The following MPHOSPH10 variants were observed in gnomAD, a reference collection of about 807,000 sequenced individuals.
MPHOSPH10 encodes the protein U3 small nucleolar ribonucleoprotein MPP10.
In MPHOSPH10, 33 loss-of-function variants were observed where a neutral mutation model predicts 77.3. That is an observed-to-expected ratio of 0.43 (90% CI 0.32 to 0.57). MPHOSPH10 has a LOEUF of 0.57. Among genes scored for constraint, MPHOSPH10 ranks in the 20% least tolerant of loss-of-function variants. MPHOSPH10 has a pLI of 0.07. For missense variants in MPHOSPH10, 708 were observed against 780.1 expected (o/e 0.91, Z 1.10); for synonymous variants, 245 against 268.0 (o/e 0.91, Z 0.84).
chr2:71,131,685 T>G (rs1673383445), intron 1 of MPHOSPH10, among the ~76,000 whole-genome samples: 1 of 152,134 alleles, frequency 6.6e-6, no homozygotes, highest in South Asian at 2.1e-4. Flanking sequence ...TGGTTATCTA[T>G]TAGCAGAGGA....
intron 5 of MPHOSPH10, chr2:71,139,033 ACT>A (rs758574288): frequency 2.4e-6 from 1 of 417,762 alleles, no homozygotes; most frequent in Non-Finnish European, 4.3e-6. Context: ...ACAGAGCGAC[ACT>A]CTGTCAAAAA....
chr2:71,140,332 CAG>C (rs1265296078), intron 6 of MPHOSPH10, among the ~76,000 whole-genome samples: 2 of 152,182 alleles, frequency 1.3e-5, no homozygotes, highest in Non-Finnish European at 2.9e-5. Flanking sequence ...GGGGATTCCG[CAG>C]AGTCCCAAGG....
intron 4 of MPHOSPH10, among the ~76,000 whole-genome samples, chr2:71,136,318 A>C (rs997051681): frequency 6.6e-6 from 1 of 152,164 alleles, no homozygotes; most frequent in Non-Finnish European, 1.5e-5. Context: ...ATTCGAGACC[A>C]ACCTGGGCAA....
chr2:71,131,758 C>T (rs940440826), intron 1 of MPHOSPH10, among the ~76,000 whole-genome samples: 3 of 152,152 alleles, frequency 2.0e-5, no homozygotes, highest in Admixed American at 6.5e-5. Flanking sequence ...AGAAGAATGT[C>T]ACAAGGTCGA....
chr2:71,140,040 G>C (rs543237363), intron 6 of MPHOSPH10, among the ~76,000 whole-genome samples, 178 bp downstream of exon 6: 1 of 152,262 alleles, frequency 6.6e-6, no homozygotes, highest in South Asian at 2.1e-4. Context: ...GTAGTATCCA[G>C]GAAAGACGAG....
At chr2:71,134,249 G>T in intron 3 of MPHOSPH10, 144 bp downstream of exon 3, 2 of 809,014 alleles carry the variant, frequency 2.5e-6, no homozygotes, top group Non-Finnish European at 3.7e-6. Flanking sequence ...GAAAGTCTCT[G>T]ACTGTAAAGG....
Position 71,136,480 on chromosome 2 carries a change from A to T in MPHOSPH10, c.1098+1683A>T, listed in dbSNP as rs13430764. On this transcript the variant is annotated intron_variant, in intron 4 of 10. Transcript: ENST00000244230. ...CAGTGAGCTATGATTGCACCACAGC[A>T]CTCTAGCCTGGGCAACAGAGCTAGA... Among the ~76,000 whole-genome samples, 1,330 of 152,162 alleles carry T rather than the reference A, an allele frequency of 8.7e-3. 20 individuals are homozygous for T. Among genetic ancestry groups the T allele is most frequent in the African/African-American group, 0.03 (1,239 of 41,482 alleles).
At position 71,135,976 on chromosome 2, in the gene MPHOSPH10, A is replaced by G. The variant is rs575366437; in HGVS notation, c.1098+1179A>G. ...CACCTTGGCCTCCCAAAGTGCTGGGATTACAGGCGTGAGCCACTGCGCCCA... is the reference window on the plus strand; with the variant it reads ...CACCTTGGCCTCCCAAAGTGCTGGGGTTACAGGCGTGAGCCACTGCGCCCA... On this transcript the variant is annotated intron_variant, in intron 4 of 10. Coordinates refer to ENST00000244230, the MANE Select transcript of MPHOSPH10 (RefSeq NM_005791.3). 5.3e-5 allele frequency among the ~76,000 whole-genome samples: 8 copies of G among 152,250 alleles called. No homozygotes were observed. The South Asian group carries it at 1.5e-3, about 28-fold the overall frequency.
In MPHOSPH10 at chr2:71,133,908, C is replaced by G. The variant is rs911427282; in HGVS notation, c.769-40C>G. 8 of 1,332,514 alleles carry G rather than the reference C, an allele frequency of 6.0e-6. No homozygotes were observed. The Admixed American group carries it at 1.3e-4, about 21-fold the overall frequency. The allele number at this position is 1,332,514 out of a possible 1,614,324, so 82.5% of individuals were successfully genotyped here. On this transcript the variant is annotated intron_variant, in intron 2 of 10. Coordinates refer to ENST00000244230, the MANE Select transcript of MPHOSPH10 (RefSeq NM_005791.3). ...TATATGCATGTGTTAATATATTTTT[C>G]TATCCCTAATTAATAGTTTTTAATA...
Position 71,134,003 on chromosome 2 carries a change from G to C in MPHOSPH10, c.824G>C (p.Ser275Thr), listed in dbSNP as rs1000689696. 3 of 1,604,032 alleles carry C rather than the reference G, an allele frequency of 1.9e-6. No homozygotes were observed. Among genetic ancestry groups the C allele is most frequent in the East Asian group, 2.2e-5 (1 of 44,486 alleles). The change falls in exon 3 of 11, where the codon AGT (serine) becomes ACT (threonine). Residue 275 changes from serine (S) to threonine (T), a missense_variant. Coordinates refer to ENST00000244230, the MANE Select transcript of MPHOSPH10 (RefSeq NM_005791.3). ...AAAGATTTTTTTGATCCAGTTGAAA[G>C]TGATGAAGACATAACAAATGTTCAT... ...KYKDFFDPVE[S>T]DEDITNVHDD...
intron 7 of MPHOSPH10, 138 bp downstream of exon 7, chr2:71,141,507 C>A: frequency 1.5e-6 from 1 of 680,690 alleles, no homozygotes; most frequent in Non-Finnish European, 2.2e-6. Context: ...ACAGAGCATG[C>A]TAGGAATAGA....
chr2:71,134,245 C>A, intron 3 of MPHOSPH10, 140 bp downstream of exon 3: 1 of 856,236 alleles, frequency 1.2e-6, no homozygotes, highest in Non-Finnish European at 1.7e-6. Flanking sequence ...AGAGGAAAGT[C>A]TCTGACTGTA....
In MPHOSPH10 at chr2:71,148,116, C is replaced by G. The variant is rs2103682787; in HGVS notation, c.1665+10C>G. On this transcript the variant is annotated intron_variant, in intron 9 of 10. Coordinates refer to ENST00000244230, the MANE Select transcript of MPHOSPH10 (RefSeq NM_005791.3). ...CCCAGAGGAGATCAAGGTAAGAAGCCAATGTTGAAACCTTAAATGTCTGTT... is the reference window on the plus strand; with the variant it reads ...CCCAGAGGAGATCAAGGTAAGAAGCGAATGTTGAAACCTTAAATGTCTGTT... The G allele has an allele frequency of 1.3e-6, 2 of 1,599,174 alleles. No individual in the cohort carries two copies. Among genetic ancestry groups the G allele is most frequent in the Non-Finnish European group, 1.7e-6 (2 of 1,166,396 alleles).
In MPHOSPH10 at chr2:71,130,772, G is replaced by A; in HGVS notation, c.89+18G>A. On this transcript the variant is annotated intron_variant, in intron 1 of 10. Transcript: ENST00000244230. The stretch of plus-strand genomic sequence containing the variant: ...TTCCTCACGTAAGTGCGCAGATCCC[G>A]GGCTCGGGGTGCGACCGGGGTCTCA... 6.3e-7 allele frequency: 1 copy of A among 1,594,164 alleles called. No homozygotes were observed. The highest frequency in any genetic ancestry group is 8.6e-7 in the Non-Finnish European group (1 of 1,168,498).
chr2:71,143,366 C>A (rs147963434), intron 7 of MPHOSPH10, among the ~76,000 whole-genome samples: 1 of 151,934 alleles, frequency 6.6e-6, no homozygotes, highest in African/African-American at 2.4e-5. Flanking sequence ...CTCCTGACCT[C>A]GTGATCCTCC....
At chr2:71,135,191 T>C (rs560825020) in intron 4 of MPHOSPH10, among the ~76,000 whole-genome samples, 47 of 151,610 alleles carry the variant, frequency 3.1e-4, no homozygotes, top group Admixed American at 7.2e-4. Context: ...AATCTTGCCA[T>C]ATGGAAAGCA....
Position 71,130,636 on chromosome 2 carries a change from G to T in MPHOSPH10, c.-30G>T. On this transcript the variant is annotated 5_prime_UTR_variant, in exon 1 of 11. An upstream start codon of the reference 5' UTR is lost. Transcript: ENST00000244230. ...TCCGGGCGGCTCCCTTCCCTTGCATGCTGCATTGTGTCGGGAGTTGCTGAC... is the reference window on the plus strand; with the variant it reads ...TCCGGGCGGCTCCCTTCCCTTGCATTCTGCATTGTGTCGGGAGTTGCTGAC... 1.3e-6 allele frequency: 2 copies of T among 1,589,558 alleles called. No individual in the cohort carries two copies. Among genetic ancestry groups the T allele is most frequent in the Non-Finnish European group, 8.6e-7 (1 of 1,166,510 alleles).
chr2:71,130,806 C>G, intron 1 of MPHOSPH10, 52 bp downstream of exon 1: 1 of 1,533,416 alleles, frequency 6.5e-7, no homozygotes. Flanking sequence ...CACGTGGACG[C>G]GGGTTGCAGG....
In MPHOSPH10 at chr2:71,132,771, C is replaced by T. The variant is rs988072465; in HGVS notation, c.90-127C>T. 3.2e-6 allele frequency: 4 copies of T among 1,253,060 alleles called. No homozygotes were observed. The African/African-American group carries it at 4.6e-5, about 14-fold the overall frequency. The allele number at this position is 1,253,060 out of a possible 1,614,324, so 77.6% of individuals were successfully genotyped here. A position where few individuals can be genotyped will look rare whatever the true frequency, so the allele number is the denominator to read the frequency against. On this transcript the variant is annotated intron_variant, in intron 1 of 10. Transcript: ENST00000244230. ...TCATCAGCTTATATGTTGTTGGGGG[C>T]CAGAATCTATACTTATACTTCATTC...
Sources: gnomAD v4.1 joint callset for allele counts (sites outside exome capture counted in the v4.1 genomes callset) on GRCh38, gnomAD v4.1.1 for gene constraint, MANE v1.5 for transcripts, NCBI Gene and HGNC (gene_info 2026-07-23, HGNC 2026-07-21) for gene names.